Variants in KCNH5 observed in about 807,000 individuals in gnomAD.
KCNH5 encodes the protein voltage-gated delayed rectifier potassium channel KCNH5.
KCNH5 carries 46 observed loss-of-function variants against 96.1 expected under a neutral mutation model. The ratio of observed to expected loss-of-function variants is 0.48; its 90% CI spans 0.38 to 0.61. The LOEUF (loss-of-function observed/expected upper bound fraction) is 0.61, where lower values mean the gene tolerates loss of function less well. KCNH5 is among the 20% of genes least tolerant of loss of function. KCNH5 has a pLI of 0.00. For synonymous variants in KCNH5, 439 were observed against 449.8 expected, an observed-to-expected ratio of 0.98 and a Z score of 0.30; for missense variants, 907 against 1,225.8, an observed-to-expected ratio of 0.74 and a Z score of 3.88.
At chr14:62,996,885 G>T (rs1368663529) in intron 4 of KCNH5, among the ~76,000 whole-genome samples, 2 of 152,128 alleles carry the variant, frequency 1.3e-5, no homozygotes, top group African/African-American at 4.8e-5. Flanking sequence ...ATACTTTTTT[G>T]AGAGGAAAAG....
chr14:62,851,063 G>A (rs1223341579), intron 7 of KCNH5, among the ~76,000 whole-genome samples: 1 of 152,050 alleles, frequency 6.6e-6, no homozygotes, highest in East Asian at 1.9e-4. Flanking sequence ...AAAATTATTT[G>A]TTTTCTTCAA....
intron 7 of KCNH5, among the ~76,000 whole-genome samples, chr14:62,906,254 C>A (rs959438330): frequency 6.6e-6 from 1 of 152,064 alleles, no homozygotes; most frequent in Non-Finnish European, 1.5e-5. Context: ...GGGAATATCA[C>A]GTAAAAGAGT....
In KCNH5 at chr14:62,847,166, T is replaced by TTA. The variant is rs1022231331; in HGVS notation, c.1569+2485_1569+2486dup. On this transcript the variant is annotated intron_variant, in intron 8 of 10. Transcript: ENST00000322893. Reference sequence around the variant, plus strand: ...TTTATATATTTTTTATATATATATATTATATATATAATTTATTTGTTAAAT... The same window carrying TTA: ...TTTATATATTTTTTATATATATATATTATATATATATAATTTATTTGTTAAAT... 6.8e-5 allele frequency among the ~76,000 whole-genome samples: 10 copies of TTA among 147,718 alleles called. No individual in the cohort carries two copies. In the East Asian group the frequency reaches 9.8e-4, roughly 14 times the overall value.
chr14:62,849,602 C>T (rs1887764348), intron 8 of KCNH5, 51 bp downstream of exon 8: 2 of 1,472,600 alleles, frequency 1.4e-6, no homozygotes. Flanking sequence ...CTTAATGCAT[C>T]TGAAGATCCT....
intron 1 of KCNH5, among the ~76,000 whole-genome samples, chr14:63,028,998 T>G (rs191122591): frequency 1.3e-5 from 2 of 152,222 alleles, no homozygotes; most frequent in Admixed American, 1.3e-4. Context: ...GAAGTTTAAG[T>G]CCAGTAATTG....
intron 10 of KCNH5, among the ~76,000 whole-genome samples, chr14:62,772,661 A>T (rs973205978): frequency 6.8e-6 from 1 of 147,452 alleles, no homozygotes; most frequent in African/African-American, 2.5e-5. Flanking sequence ...AAAAAAAAGT[A>T]GCAGTTTTTT....
intron 10 of KCNH5, among the ~76,000 whole-genome samples, chr14:62,769,561 G>A (rs1010783401): frequency 6.6e-6 from 1 of 152,226 alleles, no homozygotes; most frequent in African/African-American, 2.4e-5. Flanking sequence ...GGTGCTGCAG[G>A]ACTGTGCAGA....
chr14:62,872,147 T>C (rs1458679313), intron 7 of KCNH5, among the ~76,000 whole-genome samples: 1 of 152,242 alleles, frequency 6.6e-6, no homozygotes, highest in Non-Finnish European at 1.5e-5. Flanking sequence ...CATTCATTCA[T>C]TGATTCTACA....
intron 8 of KCNH5, among the ~76,000 whole-genome samples, chr14:62,819,933 A>G (rs1887079604): frequency 6.6e-6 from 1 of 152,236 alleles, no homozygotes; most frequent in African/African-American, 2.4e-5. Context: ...CTATCTGTAG[A>G]GAAGAACATC....
At chr14:62,775,840 C>T (rs61994850) in intron 10 of KCNH5, among the ~76,000 whole-genome samples, 18,847 of 152,154 alleles carry the variant, frequency 0.12, 1,507 homozygotes, top group Non-Finnish European at 0.18. Context: ...CAATCTTCCT[C>T]ATTTCTTTAT....
chr14:62,870,719 C>T (rs1234844596), intron 7 of KCNH5, among the ~76,000 whole-genome samples: 1 of 151,938 alleles, frequency 6.6e-6, no homozygotes, highest in Non-Finnish European at 1.5e-5. Flanking sequence ...ATATTATGCT[C>T]ACAATTTAAT....
chr14:63,045,346 C>G lies in KCNH5; in HGVS notation c.-160G>C. 1.5e-6 allele frequency: 1 copy of G among 646,754 alleles called. No individual in the cohort carries two copies. The highest frequency in any genetic ancestry group is 1.7e-5 in the South Asian group (1 of 57,424). The allele number at this position is 646,754 out of a possible 1,614,324, so 40.1% of individuals were successfully genotyped here. A position where few individuals can be genotyped will look rare whatever the true frequency, so the allele number is the denominator to read the frequency against. ...GGGTCCCCTGACTGTGTCTCCAGCC[C>G]GACCCGGATGAGCAGCTCTGGGGAG... On this transcript the variant is annotated 5_prime_UTR_variant, in exon 1 of 11. Transcript: ENST00000322893.
intron 10 of KCNH5, among the ~76,000 whole-genome samples, chr14:62,766,696 G>A (rs1352112641): frequency 1.3e-5 from 2 of 152,098 alleles, no homozygotes; most frequent in African/African-American, 4.8e-5. Context: ...GGGTGGTGGG[G>A]CCTGGGTCGG....
chr14:63,020,318 A>G (rs1481753827), intron 1 of KCNH5, among the ~76,000 whole-genome samples: 2 of 152,168 alleles, frequency 1.3e-5, no homozygotes, highest in Non-Finnish European at 2.9e-5. Flanking sequence ...TATGCAAGTG[A>G]AATGAAAACA....
intron 7 of KCNH5, among the ~76,000 whole-genome samples, chr14:62,948,373 A>G (rs1053339098): frequency 1.2e-4 from 18 of 152,288 alleles, no homozygotes; most frequent in African/African-American, 3.9e-4. Flanking sequence ...AGAGAATACT[A>G]CAAACACCTC....
chr14:62,857,798 C>T (rs928968003), intron 7 of KCNH5, among the ~76,000 whole-genome samples: 3 of 152,174 alleles, frequency 2.0e-5, no homozygotes, highest in African/African-American at 7.2e-5. Context: ...AACACCCTCA[C>T]AGACATACCC....
Position 62,708,181 on chromosome 14 carries a change from A to T in KCNH5, c.2294T>A (p.Leu765Gln). 3.7e-6 allele frequency: 6 copies of T among 1,614,266 alleles called. No homozygotes were observed. The highest frequency in any genetic ancestry group is 4.2e-6 in the Non-Finnish European group (5 of 1,180,050). ...GGATTCACTGGTTTTCACATAGGCC[A>T]GAGACGTCTGAATGGGAGTAATCTG... is the stretch of plus-strand genomic sequence containing the variant. ...VSQITPIQTS[L>Q]AYVKTSESLK... is the part of the protein sequence containing the mutation. The change falls in exon 11 of 11, where the codon CTG becomes CAG. Residue 765 changes from leucine to glutamine, a missense_variant. By Grantham distance (113) the Leu-to-Gln change is moderately radical. Around this residue, in one of 6 missense-constraint regions of KCNH5, gnomAD observed 362 missense variants for 394.4 expected, o/e 0.92. Transcript: ENST00000322893.
At chr14:62,748,612 G>A (rs1885429040) in intron 10 of KCNH5, among the ~76,000 whole-genome samples, 1 of 152,072 alleles carries the variant, frequency 6.6e-6, no homozygotes, top group African/African-American at 2.4e-5. Context: ...GAGGGATGAA[G>A]ATCCGTCTTC....
At chr14:62,929,072 A>G (rs12883703) in intron 7 of KCNH5, among the ~76,000 whole-genome samples, 53,360 of 151,926 alleles carry the variant, frequency 0.35, 10,062 homozygotes, top group South Asian at 0.61. Flanking sequence ...AACATGACTT[A>G]TCAAAACTTA....
Sources: gnomAD v4.1 joint callset for allele counts (sites outside exome capture counted in the v4.1 genomes callset) on GRCh38, gnomAD v4.1.1 for gene constraint, gnomAD v4.1.1 regional missense constraint, MANE v1.5 for transcripts, NCBI Gene and HGNC (gene_info 2026-07-23, HGNC 2026-07-21) for gene names.